The following TUSC3 variants were observed in gnomAD, a reference collection of about 807,000 sequenced individuals.
TUSC3 encodes dolichyl-diphosphooligosaccharide--protein glycosyltransferase subunit TUSC3.
A neutral mutation model predicts 44.8 loss-of-function variants in TUSC3; 45 were observed. The ratio of observed to expected loss-of-function variants is 1.00; its 90% CI spans 0.79 to 1.29. The LOEUF (loss-of-function observed/expected upper bound fraction) is 1.29. Ranked by LOEUF, TUSC3 falls within the 50% of genes most tolerant of loss-of-function variation. The pLI is 0.00. For missense variants in TUSC3, 519 were observed against 437.9 expected, an observed-to-expected ratio of 1.19 and a Z score of -1.65; for synonymous variants, 212 against 152.9, an observed-to-expected ratio of 1.39 and a Z score of -2.85.
At chr8:15,728,732 A>G (rs1810597361) in intron 6 of TUSC3, among the ~76,000 whole-genome samples, 1 of 152,128 alleles carries the variant, frequency 6.6e-6, no homozygotes, top group African/African-American at 2.4e-5. Context: ...AAGCCATGAA[A>G]CTGGATGACA....
rs549281479 is a variant in TUSC3, at chr8:15,524,787, A to G, written n.189+41304A>G. Among the ~76,000 whole-genome samples the G allele has an allele frequency of 3.2e-4, 48 of 151,716 alleles. 1 individual carries two copies. Among genetic ancestry groups the G allele is most frequent in the Non-Finnish European group, 4.6e-4 (31 of 67,956 alleles). On this transcript the variant is annotated intron_variant and non_coding_transcript_variant, in intron 2 of 5. Transcript: ENST00000503191. Reference sequence around the variant, plus strand: ...CATAGTGAAGTTTTGCAGACACCCTATAATATGTGATATTACAACAGATTA... The same window carrying G: ...CATAGTGAAGTTTTGCAGACACCCTGTAATATGTGATATTACAACAGATTA...
chr8:15,788,784 G>C, the TUSC3 span, among the ~76,000 whole-genome samples: 1 of 152,106 alleles, frequency 6.6e-6, no homozygotes, highest in Non-Finnish European at 1.5e-5. Context: ...GGCACTGAGA[G>C]ATGCTAACAT....
intron 2 of TUSC3, among the ~76,000 whole-genome samples, chr8:15,509,645 G>C (rs1801106317): frequency 6.6e-6 from 1 of 151,858 alleles, no homozygotes; most frequent in South Asian, 2.1e-4. Context: ...CAGAAACATT[G>C]GATTAAGTAT....
chr8:15,731,294 T>C (rs988849958), intron 7 of TUSC3, among the ~76,000 whole-genome samples: 2 of 152,084 alleles, frequency 1.3e-5, no homozygotes, highest in African/African-American at 4.8e-5. Flanking sequence ...AAAGGTAAGG[T>C]TAAGCATCTA....
At chr8:15,597,992 A>T (rs186644793) in intron 1 of TUSC3, among the ~76,000 whole-genome samples, 8 of 152,160 alleles carry the variant, frequency 5.3e-5, no homozygotes, top group Admixed American at 4.6e-4. Context: ...TCTGTGTCCT[A>T]GCGTTGATAT....
intron 1 of TUSC3, among the ~76,000 whole-genome samples, chr8:15,606,191 T>A (rs1040718886): frequency 1.3e-5 from 2 of 152,058 alleles, no homozygotes; most frequent in African/African-American, 4.8e-5. Context: ...GTACCTGTGG[T>A]TGCTCCCATT....
chr8:15,766,433 A>G lies in TUSC3; in HGVS notation c.*2277A>G, dbSNP rs936557459. The G allele has an allele frequency of 6.6e-6, 1 of 152,142 alleles. No homozygotes were observed. The highest frequency in any genetic ancestry group is 1.5e-5 in the Non-Finnish European group (1 of 68,016). The allele number at this position is 152,142 out of a possible 1,614,324, so 9.4% of individuals were successfully genotyped here. ...CTGGTATGTTATATCCTCCAGTGTC[A>G]CTTTTTAACCAGATTCACTGTGCGT... On this transcript the variant is annotated 3_prime_UTR_variant, in exon 11 of 11. Coordinates refer to ENST00000503731, the MANE Select transcript of TUSC3 (RefSeq NM_006765.4).
chr8:15,468,583 G>T (rs1038693121), intron 1 of TUSC3, among the ~76,000 whole-genome samples: 1 of 151,964 alleles, frequency 6.6e-6, no homozygotes, highest in Non-Finnish European at 1.5e-5. Context: ...CTTAAATTTA[G>T]ATCTGATGCC....
the TUSC3 span, among the ~76,000 whole-genome samples, chr8:15,842,132 C>T: frequency 1.3e-5 from 2 of 152,068 alleles, no homozygotes; most frequent in Non-Finnish European, 2.9e-5. Context: ...TTACTGAACA[C>T]AAAACCTTCT....
At chr8:15,733,797 A>G (rs13275052) in intron 7 of TUSC3, among the ~76,000 whole-genome samples, 30,367 of 152,118 alleles carry the variant, frequency 0.2, 3,887 homozygotes, top group Non-Finnish European at 0.29. Flanking sequence ...CATGCCTGCA[A>G]TCCCAGCACT....
At chr8:15,750,014 C>G (rs1333160012) in intron 9 of TUSC3, among the ~76,000 whole-genome samples, 2 of 147,198 alleles carry the variant, frequency 1.4e-5, no homozygotes, top group East Asian at 2.0e-4. Flanking sequence ...GAGTCTTGCT[C>G]TGTTGCCCAG....
At chr8:15,641,031 T>C (rs192776373) in intron 2 of TUSC3, among the ~76,000 whole-genome samples, 4,595 of 152,250 alleles carry the variant, frequency 0.03, 90 homozygotes, top group Middle Eastern at 0.082. Flanking sequence ...GTGTGTTATA[T>C]GTATTGTGTG....
intron 1 of TUSC3, among the ~76,000 whole-genome samples, chr8:15,567,318 C>T (rs1563293531): frequency 6.6e-6 from 1 of 152,102 alleles, no homozygotes; most frequent in Non-Finnish European, 1.5e-5. Context: ...TACTTAGCCA[C>T]CAAACATTAA....
chr8:15,561,397 C>T lies in TUSC3; in HGVS notation c.138+20829C>T, dbSNP rs1338469956. Among the ~76,000 whole-genome samples the T allele has an allele frequency of 2.1e-5, 3 of 140,722 alleles. 1 individual carries two copies. Among genetic ancestry groups the T allele is most frequent in the African/African-American group, 7.9e-5 (3 of 38,114 alleles). The allele number at this position is 140,722 out of a possible 152,430, so 92.3% of individuals were successfully genotyped here. A position where few individuals can be genotyped will look rare whatever the true frequency, so the allele number is the denominator to read the frequency against. Reference sequence around the variant, plus strand: ...CAGCTGCGTGCTGGGAGAACCACTGCTCTCTTAAAAGCTGTCAGACAGGGA... The same window carrying T: ...CAGCTGCGTGCTGGGAGAACCACTGTTCTCTTAAAAGCTGTCAGACAGGGA... On this transcript the variant is annotated intron_variant, in intron 1 of 10. Transcript: ENST00000503731.
intron 1 of TUSC3, among the ~76,000 whole-genome samples, chr8:15,619,398 T>C (rs1396072167): frequency 6.6e-6 from 1 of 152,248 alleles, no homozygotes; most frequent in African/African-American, 2.4e-5. Flanking sequence ...CTGCTCTTCC[T>C]CGTTTACCCT....
At chr8:15,540,808 C>G (rs938004962) in intron 1 of TUSC3, among the ~76,000 whole-genome samples, 2 of 152,340 alleles carry the variant, frequency 1.3e-5, no homozygotes, top group Admixed American at 6.5e-5. Context: ...GCACCTCACA[C>G]CTTTCAGACC....
At chr8:15,787,830 A>T in the TUSC3 span, among the ~76,000 whole-genome samples, 1 of 152,238 alleles carries the variant, frequency 6.6e-6, no homozygotes, top group Non-Finnish European at 1.5e-5. Flanking sequence ...CCCATTCTTC[A>T]AAGAATTAAC....
chr8:15,523,708 G>GTATATATATATATATATATATA (rs71211051), intron 2 of TUSC3, among the ~76,000 whole-genome samples: 24 of 112,482 alleles, frequency 2.1e-4, no homozygotes, highest in African/African-American at 9.0e-4. Context: ...GTGTGTGTGT[G>GTATATATATATATATATATATA]TATATATATA....
At chr8:15,673,461 G>C (rs993718069) in intron 5 of TUSC3, among the ~76,000 whole-genome samples, 3 of 152,046 alleles carry the variant, frequency 2.0e-5, no homozygotes, top group African/African-American at 7.2e-5. Context: ...CATAGTATCA[G>C]ATTGCCTGTC....
Sources: gnomAD v4.1 joint callset for allele counts (sites outside exome capture counted in the v4.1 genomes callset) on GRCh38, gnomAD v4.1.1 for gene constraint, MANE v1.5 for transcripts, NCBI Gene and HGNC (gene_info 2026-07-23, HGNC 2026-07-21) for gene names.